Variants in APBB1 observed in about 807,000 individuals in gnomAD.
APBB1 encodes the protein adaptor protein FE65a2.
APBB1 carries 22 observed loss-of-function variants against 78.4 expected under a neutral mutation model. The ratio of observed to expected loss-of-function variants is 0.28; its 90% CI spans 0.20 to 0.40. APBB1 has a LOEUF of 0.40. Ranked by LOEUF, APBB1 falls within the 10% of genes least tolerant of loss-of-function variation. APBB1 has a pLI of 1.00. For synonymous variants in APBB1, 369 were observed against 372.7 expected, an observed-to-expected ratio of 0.99 and a Z score of 0.12; for missense variants, 749 against 932.4, an observed-to-expected ratio of 0.80 and a Z score of 2.56.
At position 6,401,388 on chromosome 11, in the gene APBB1, T is replaced by C. The variant is rs1486860027; in HGVS notation, c.1545A>G (p.Gly515=). The C allele has an allele frequency of 6.2e-7, 1 of 1,613,166 alleles. No individual in the cohort carries two copies. The highest frequency in any genetic ancestry group is 8.5e-7 in the Non-Finnish European group (1 of 1,179,874). ...ERRNARCLVN[G]LSLDHSKLVD... ...CAAGTTTAGAGTGGTCCAGGGAGAG[T>C]CCATTTACCAAGCAGCGGGCATTAC... The change falls in exon 11 of 15, where the codon GGA becomes GGG. Residue 515 remains glycine, a synonymous_variant. Transcript: ENST00000609360. This position sits in a 1 kb window ranked among gnomAD's most constrained non-coding sequence, Gnocchi z 4.5.
Position 6,403,047 on chromosome 11 carries a change from T to C in APBB1, c.1104+98A>G. Reference sequence around the variant, plus strand: ...CTGGAAGAACTCCTAACTCAGGACCTGGGGAACTGCGCTGAGACCCCTCAG... The same window carrying C: ...CTGGAAGAACTCCTAACTCAGGACCCGGGGAACTGCGCTGAGACCCCTCAG... On this transcript the variant is annotated intron_variant, in intron 6 of 14. Coordinates refer to ENST00000609360, the MANE Select transcript of APBB1 (RefSeq NM_001164.5). This position sits in a 1 kb window ranked among gnomAD's most constrained non-coding sequence, Gnocchi z 5.3. 2 of 1,193,086 alleles carry C rather than the reference T, an allele frequency of 1.7e-6. No homozygotes were observed. The highest frequency in any genetic ancestry group is 2.4e-6 in the Non-Finnish European group (2 of 838,626). The allele number at this position is 1,193,086 out of a possible 1,614,324, so 73.9% of individuals were successfully genotyped here.
chr11:6,401,499 C>T lies in APBB1; in HGVS notation c.1504-70G>A. On this transcript the variant is annotated intron_variant, in intron 10 of 14. Transcript: ENST00000609360. The surrounding 1 kb of genome is among the most constrained non-coding windows in gnomAD (Gnocchi z 4.5). Reference sequence around the variant, plus strand: ...GCCTCATTGCCCTGGGGCCCCCCTACAGCACTCAGTGACCCCACCCACACC... The same window carrying T: ...GCCTCATTGCCCTGGGGCCCCCCTATAGCACTCAGTGACCCCACCCACACC... 1 of 1,613,106 alleles carries T rather than the reference C, an allele frequency of 6.2e-7. No individual in the cohort carries two copies. The highest frequency in any genetic ancestry group is 8.5e-7 in the Non-Finnish European group (1 of 1,179,316).
chr11:6,413,818 T>C (rs1849046109), intron 1 of APBB1, among the ~76,000 whole-genome samples: 1 of 152,144 alleles, frequency 6.6e-6, no homozygotes, highest in South Asian at 2.1e-4. Context: ...ACTAGTGCTA[T>C]GCTACCCACA....
rs1161267964 is a variant in APBB1, at chr11:6,395,856, A to C, written c.1895T>G (p.Phe632Cys). 6.2e-7 allele frequency: 1 copy of C among 1,614,010 alleles called. No individual in the cohort carries two copies. Among genetic ancestry groups the C allele is most frequent in the Non-Finnish European group, 8.5e-7 (1 of 1,180,024 alleles). The stretch of plus-strand genomic sequence containing the variant: ...CTCGCACCAGAACATGTGGCAGCAG[A>C]AGGAGGCTGGGCCGGCAGCCATGAT... ...AFIMAAGPAS[F>C]CCHMFWCEPN... The change falls in exon 14 of 15, where the codon TTC becomes TGC. Residue 632 changes from phenylalanine (F) to cysteine (C), a missense_variant. Phe to Cys is a radical substitution (Grantham distance 205, BLOSUM62 -2). Transcript: ENST00000609360. The surrounding 1 kb of genome is among the most constrained non-coding windows in gnomAD (Gnocchi z 5.2).
chr11:6,403,948 T>G lies in APBB1; in HGVS notation c.722-126A>C. The G allele has an allele frequency of 9.7e-7, 1 of 1,027,882 alleles. No homozygotes were observed. Among genetic ancestry groups the G allele is most frequent in the African/African-American group, 1.6e-5 (1 of 62,116 alleles). The allele number at this position is 1,027,882 out of a possible 1,614,324, so 63.7% of individuals were successfully genotyped here. ...GTGGAAGAGCTATACCACAACACAG[T>G]TCCTGCTTCTGCCTAGAGCCTATAG... On this transcript the variant is annotated intron_variant, in intron 2 of 14. Coordinates refer to ENST00000609360, the MANE Select transcript of APBB1 (RefSeq NM_001164.5). The surrounding 1 kb of genome is among the most constrained non-coding windows in gnomAD (Gnocchi z 5.3).
intron 1 of APBB1, among the ~76,000 whole-genome samples, chr11:6,417,477 A>T (rs1229425623): frequency 1.3e-5 from 2 of 152,228 alleles, no homozygotes; most frequent in Non-Finnish European, 2.9e-5. Flanking sequence ...TTTTGCTCAC[A>T]ATTATATCTT....
chr11:6,417,445 T>A (rs1004812911), intron 1 of APBB1, among the ~76,000 whole-genome samples: 8 of 152,242 alleles, frequency 5.3e-5, no homozygotes, highest in South Asian at 2.1e-4. Flanking sequence ...TCCTAGATTG[T>A]CAGCTCCAAG....
chr11:6,411,897 A>C lies in APBB1; in HGVS notation c.-14-536T>G, dbSNP rs1431073640. The stretch of plus-strand genomic sequence containing the variant: ...ACCCCATACTAGGGACTGTGAGGAC[A>C]GGAGCAAATAAGCTGCAGAACCAGC... On this transcript the variant is annotated intron_variant, in intron 1 of 14. Transcript: ENST00000609360. This position sits in a 1 kb window ranked among gnomAD's most constrained non-coding sequence, Gnocchi z 5.2. Among the ~76,000 whole-genome samples, 1 of 152,250 alleles carries C rather than the reference A, an allele frequency of 6.6e-6. No homozygotes were observed. The highest frequency in any genetic ancestry group is 2.4e-5 in the African/African-American group (1 of 41,470).
chr11:6,405,646 T>A, intron 2 of APBB1: 1 of 985,778 alleles, frequency 1.0e-6, no homozygotes, highest in Non-Finnish European at 1.2e-6. Flanking sequence ...TGCTTCACCA[T>A]CCTCAGCTTC....
chr11:6,408,493 T>C (rs1005632487), intron 2 of APBB1, among the ~76,000 whole-genome samples: 1 of 149,742 alleles, frequency 6.7e-6, no homozygotes, highest in Admixed American at 6.7e-5. Context: ...TGTCTCTACA[T>C]TTTTTTTTTC....
At position 6,411,969 on chromosome 11, in the gene APBB1, C is replaced by T. The variant is rs767819814; in HGVS notation, c.-14-608G>A. 1.3e-4 allele frequency among the ~76,000 whole-genome samples: 20 copies of T among 152,334 alleles called. No homozygotes were observed. Among genetic ancestry groups the T allele is most frequent in the African/African-American group, 3.8e-4 (16 of 41,570 alleles). ...AGGCAGGTCACAGAGGGAGGGCGCT[C>T]GGCTGCAATTCATGGCTTCTCTGGC... On this transcript the variant is annotated intron_variant, in intron 1 of 14. Transcript: ENST00000609360. This position sits in a 1 kb window ranked among gnomAD's most constrained non-coding sequence, Gnocchi z 5.2.
In APBB1 at chr11:6,410,923, T is replaced by G. The variant is rs1223176232; in HGVS notation, c.425A>C (p.Gln142Pro). The change falls in exon 2 of 15, where the codon CAA becomes CCA. Residue 142 changes from glutamine (Q) to proline (P), a missense_variant. Physicochemically the swap from Gln to Pro is moderately conservative, Grantham distance 76. Coordinates refer to ENST00000609360, the MANE Select transcript of APBB1 (RefSeq NM_001164.5). ...LRGPGLIIST[Q>P]EQGPDEGEEK... ...CTCTCCCTCATCTGGCCCCTGCTCT[T>G]GAGTGCTGATGATCAGGCCAGGTCC... 2 of 1,614,018 alleles carry G rather than the reference T, an allele frequency of 1.2e-6. No homozygotes were observed. Among genetic ancestry groups the G allele is most frequent in the Non-Finnish European group, 1.7e-6 (2 of 1,180,022 alleles).
intron 2 of APBB1, among the ~76,000 whole-genome samples, chr11:6,408,341 C>T (rs1417480992): frequency 6.6e-6 from 1 of 152,166 alleles, no homozygotes; most frequent in Non-Finnish European, 1.5e-5. Flanking sequence ...AGAAGGGGAA[C>T]TTGATCAAAC....
intron 12 of APBB1, among the ~76,000 whole-genome samples, chr11:6,400,653 AGCTACAG>A (rs1395047377): frequency 6.6e-6 from 1 of 151,634 alleles, no homozygotes; most frequent in Non-Finnish European, 1.5e-5. Context: ...CACTAAACCC[AGCTACAG>A]GCTGCTGTCT....
intron 1 of APBB1, among the ~76,000 whole-genome samples, chr11:6,412,440 T>C (rs1005153584): frequency 4.6e-5 from 7 of 152,118 alleles, no homozygotes; most frequent in Admixed American, 2.6e-4. Context: ...CATGAGCCAC[T>C]GCGTCCGGCC....
At position 6,403,842 on chromosome 11, in the gene APBB1, G is replaced by C. The variant is rs561069009; in HGVS notation, c.722-20C>G. On this transcript the variant is annotated intron_variant, in intron 2 of 14. Transcript: ENST00000609360. The surrounding 1 kb of genome is among the most constrained non-coding windows in gnomAD (Gnocchi z 5.3). ...AGGAATCTGCCAGGTGGGAGGCTTG[G>C]TGAGGGTCAGCCTACCCAAAGAGCA... is the stretch of plus-strand genomic sequence containing the variant. 2 of 1,533,024 alleles carry C rather than the reference G, an allele frequency of 1.3e-6. No homozygotes were observed. Among genetic ancestry groups the C allele is most frequent in the East Asian group, 4.5e-5 (2 of 44,090 alleles). 95.0% of individuals were successfully genotyped at this position (1,533,024 alleles called of 1,614,324 possible).
rs1025381876 is a variant in APBB1 at position 6,395,560 on chromosome 11, T to C, written c.2107A>G (p.Lys703Glu). The C allele has an allele frequency of 1.9e-6, 3 of 1,574,102 alleles. No homozygotes were observed. The highest frequency in any genetic ancestry group is 2.6e-6 in the Non-Finnish European group (3 of 1,159,558). The change falls in exon 15 of 15, where the codon AAA (lysine) becomes GAA (glutamate). Residue 703 changes from lysine (K) to glutamate (E), a missense_variant. Around this residue, in one of 3 missense-constraint regions of APBB1, gnomAD observed 96 missense variants for 116.0 expected, o/e 0.83. Coordinates refer to ENST00000609360, the MANE Select transcript of APBB1 (RefSeq NM_001164.5). The surrounding 1 kb of genome is among the most constrained non-coding windows in gnomAD (Gnocchi z 5.2). ...CATGGGGTATGGGCCCCCAGCCGTT[T>C]GGGCTTCAGGGAGCCCCACAGCGAC... is the stretch of plus-strand genomic sequence containing the variant. ...VQSLWGSLKP[K>E]RLGAHTP
chr11:6,404,726 A>G (rs1216823265), intron 2 of APBB1: 1 of 1,536,184 alleles, frequency 6.5e-7, no homozygotes, highest in Non-Finnish European at 8.7e-7. Context: ...ATGAGGCCCA[A>G]CCTCATGCTG....
chr11:6,406,523 A>G (rs1163580515), intron 2 of APBB1, among the ~76,000 whole-genome samples: 1 of 152,188 alleles, frequency 6.6e-6, no homozygotes, highest in Non-Finnish European at 1.5e-5. Context: ...CTAATCAAGT[A>G]ATTTTCCAAC....
Sources: allele counts gnomAD v4.1 joint callset (sites outside exome capture counted in the v4.1 genomes callset), GRCh38; gene constraint gnomAD v4.1.1; regional missense constraint gnomAD v4.1.1; non-coding constraint Gnocchi (gnomAD v3.1); transcripts MANE v1.5; gene names NCBI Gene and HGNC (gene_info 2026-07-23, HGNC 2026-07-21).